The following KLHL29 variants were observed in gnomAD, a reference collection of about 807,000 sequenced individuals.
The protein encoded by KLHL29 is kelch-like protein 29.
KLHL29 carries 21 observed loss-of-function variants against 80.4 expected under a neutral mutation model. The observed-to-expected ratio is 0.26, with a 90% CI of 0.19 to 0.38. The LOEUF is 0.38. Ranked by LOEUF, KLHL29 falls within the 10% of genes least tolerant of loss-of-function variation. KLHL29 has a pLI of 1.00. For missense variants in KLHL29, 867 were observed against 1,223.9 expected (o/e 0.71, Z 4.35); for synonymous variants, 511 against 526.8 (o/e 0.97, Z 0.41).
chr2:23,691,020 G>A (rs1671563114), intron 6 of KLHL29: 1 of 153,342 alleles, frequency 6.5e-6, no homozygotes. Context: ...GAAGTCCTTG[G>A]TTGTTTCCTC....
intron 3 of KLHL29, among the ~76,000 whole-genome samples, chr2:23,633,390 T>C (rs1466281133): frequency 1.3e-5 from 2 of 152,214 alleles, no homozygotes; most frequent in Non-Finnish European, 2.9e-5. Context: ...CACTGTACAT[T>C]TATATGTCAA....
chr2:23,463,032 T>A (rs1322084501), intron 1 of KLHL29, among the ~76,000 whole-genome samples: 2 of 150,824 alleles, frequency 1.3e-5, no homozygotes, highest in African/African-American at 4.9e-5. Context: ...ATTTCATGAG[T>A]AATTATTCAA....
intron 2 of KLHL29, among the ~76,000 whole-genome samples, chr2:23,555,418 T>C (rs1667260318): frequency 6.6e-6 from 1 of 152,176 alleles, no homozygotes. Flanking sequence ...CCCACCTGCC[T>C]CCTGCAAGGG....
chr2:23,460,788 G>A (rs556712642), intron 1 of KLHL29, among the ~76,000 whole-genome samples: 9 of 151,424 alleles, frequency 5.9e-5, no homozygotes, highest in East Asian at 2.0e-4. Context: ...GGAGCTTCCC[G>A]TGAAGGGAGC....
intron 2 of KLHL29, among the ~76,000 whole-genome samples, chr2:23,481,774 G>A (rs4665216): frequency 0.73 from 111,725 of 152,174 alleles, 41,219 homozygotes; most frequent in East Asian, 0.91. Context: ...AAAATCAGCC[G>A]GGCGTGGTGG....
At chr2:23,605,817 T>G (rs1668707169) in intron 3 of KLHL29, among the ~76,000 whole-genome samples, 1 of 151,624 alleles carries the variant, frequency 6.6e-6, no homozygotes. Flanking sequence ...TCGCCCAGGC[T>G]GGAGTGCAGT....
At chr2:23,409,848 C>T (rs572200229) in intron 1 of KLHL29, among the ~76,000 whole-genome samples, 35 of 152,282 alleles carry the variant, frequency 2.3e-4, no homozygotes, top group African/African-American at 6.5e-4. Flanking sequence ...CAGGGAGCTC[C>T]GCCTCTTCTT....
intron 5 of KLHL29, among the ~76,000 whole-genome samples, chr2:23,658,558 C>T (rs889819396): frequency 6.6e-5 from 10 of 152,274 alleles, no homozygotes; most frequent in Admixed American, 2.0e-4. Context: ...TCTTCTGGGC[C>T]GAAGCAGTCT....
intron 13 of KLHL29, among the ~76,000 whole-genome samples, chr2:23,705,423 C>T (rs923659174): frequency 5.9e-5 from 9 of 151,542 alleles, no homozygotes; most frequent in East Asian, 3.9e-4. Flanking sequence ...ACCTGGGAGG[C>T]GGAGGTTGCA....
At position 23,669,570 on chromosome 2, in the gene KLHL29, T is replaced by A; in HGVS notation, c.941-14829T>A. 1 of 152,168 alleles carries A rather than the reference T, an allele frequency of 6.6e-6. No homozygotes were observed. The allele number at this position is 152,168 out of a possible 1,614,324, so 9.4% of individuals were successfully genotyped here. ...ACAGGGCCCGGCACACAGTGGGGGC[T>A]CCCTGAGTGCTGGGTACCCCGTGAG... On this transcript the variant is annotated intron_variant, in intron 5 of 13. Coordinates refer to ENST00000486442, the MANE Select transcript of KLHL29 (RefSeq NM_052920.2). This position sits in a 1 kb window ranked among gnomAD's most constrained non-coding sequence, Gnocchi z 4.3.
chr2:23,576,119 A>G (rs907465539), intron 3 of KLHL29, among the ~76,000 whole-genome samples: 6 of 152,184 alleles, frequency 3.9e-5, no homozygotes, highest in South Asian at 2.1e-4. Flanking sequence ...AGCCTGACCA[A>G]CATAGTGAAA....
intron 5 of KLHL29, chr2:23,672,938 G>C (rs1429658223): frequency 6.6e-6 from 1 of 152,260 alleles, no homozygotes; most frequent in Non-Finnish European, 1.5e-5. Context: ...CGTGCGTGCA[G>C]GGTCAGGCCA....
At chr2:23,420,074 C>T (rs571655339) in intron 1 of KLHL29, among the ~76,000 whole-genome samples, 1 of 152,304 alleles carries the variant, frequency 6.6e-6, no homozygotes, top group African/African-American at 2.4e-5. Context: ...CTTGTGTGGC[C>T]GGCACGGGGG....
intron 1 of KLHL29, among the ~76,000 whole-genome samples, chr2:23,423,332 C>T (rs978016654): frequency 2.6e-5 from 4 of 152,228 alleles, no homozygotes; most frequent in African/African-American, 9.6e-5. Context: ...CTGACCTCCC[C>T]AGGCCGTGCC....
intron 2 of KLHL29, among the ~76,000 whole-genome samples, chr2:23,516,906 G>A (rs547213802): frequency 8.9e-4 from 135 of 152,356 alleles, no homozygotes; most frequent in African/African-American, 3.0e-3. Context: ...CAAGTCTTGC[G>A]TGTGGTGTCC....
chr2:23,703,426 GC>G, intron 12 of KLHL29, 47 bp downstream of exon 12: 1 of 1,400,366 alleles, frequency 7.1e-7, no homozygotes, highest in Non-Finnish European at 9.4e-7. Context: ...TCGCATCCCT[GC>G]CTTGCTGATT....
intron 3 of KLHL29, among the ~76,000 whole-genome samples, chr2:23,584,021 C>G (rs1411019733): frequency 2.0e-5 from 3 of 152,186 alleles, no homozygotes; most frequent in Non-Finnish European, 2.9e-5. Context: ...CAGGAAGGAA[C>G]TGGTTCCAGT....
intron 5 of KLHL29, chr2:23,667,655 A>G (rs1358057368): frequency 1.3e-5 from 2 of 152,674 alleles, no homozygotes; most frequent in Non-Finnish European, 1.5e-5. Flanking sequence ...CATCCTGTGT[A>G]GACCCGGCTG....
intron 3 of KLHL29, among the ~76,000 whole-genome samples, chr2:23,605,068 C>T (rs902251375): frequency 6.7e-6 from 1 of 149,328 alleles, no homozygotes; most frequent in Non-Finnish European, 1.5e-5. Context: ...GCCTCAGCCA[C>T]TGGGAGGGCA....
Sources: allele counts gnomAD v4.1 joint callset (sites outside exome capture counted in the v4.1 genomes callset), GRCh38; gene constraint gnomAD v4.1.1; non-coding constraint Gnocchi (gnomAD v3.1); transcripts MANE v1.5; gene names NCBI Gene and HGNC (gene_info 2026-07-23, HGNC 2026-07-21).